Variants in PKN2 observed in about 807,000 individuals in gnomAD.
PKN2 encodes protein kinase N2.
Under a neutral mutation model 119.1 loss-of-function variants are expected in PKN2, and 38 were observed. The ratio of observed to expected loss-of-function variants is 0.32; its 90% confidence interval spans 0.25 to 0.42. The LOEUF is 0.42. PKN2 is among the 10% of genes least tolerant of loss of function. PKN2 has a pLI of 1.00. For missense variants in PKN2, 850 were observed against 1,165.1 expected (o/e 0.73, Z 3.94); for synonymous variants, 390 against 384.9 (o/e 1.01, Z -0.15).
chr1:88,775,135 T>A (rs1044458130), intron 6 of PKN2, among the ~76,000 whole-genome samples: 1 of 152,136 alleles, frequency 6.6e-6, no homozygotes, highest in African/African-American at 2.4e-5. Flanking sequence ...CAGCTTATTT[T>A]ATTTTTTTTG....
chr1:88,736,983 G>A (rs1214873196), intron 1 of PKN2, among the ~76,000 whole-genome samples: 2 of 152,164 alleles, frequency 1.3e-5, no homozygotes, highest in African/African-American at 2.4e-5. Context: ...CAGTGCTTGG[G>A]CCTCACCATG....
intron 8 of PKN2, 64 bp from the exon 9 acceptor site, chr1:88,804,327 T>G: frequency 8.1e-7 from 1 of 1,227,088 alleles, no homozygotes; most frequent in Non-Finnish European, 1.1e-6. Context: ...TGTGATATTT[T>G]ATTCAAGTGT....
chr1:88,723,890 CTCA>C (rs1201866504), intron 1 of PKN2, among the ~76,000 whole-genome samples: 1 of 152,142 alleles, frequency 6.6e-6, no homozygotes, highest in African/African-American at 2.4e-5. Flanking sequence ...ATTTTGCCTT[CTCA>C]TCTATTTTTT....
intron 1 of PKN2, among the ~76,000 whole-genome samples, chr1:88,699,723 C>T (rs563933494): frequency 1.3e-5 from 2 of 151,980 alleles, no homozygotes; most frequent in African/African-American, 4.8e-5. Context: ...TAATGGCTTA[C>T]AGCTCCATCC....
In PKN2 at chr1:88,789,811, C is replaced by T. The variant is rs535345528; in HGVS notation, c.1281+3598C>T. 1.2e-3 allele frequency among the ~76,000 whole-genome samples: 182 copies of T among 151,980 alleles called. 3 individuals are homozygous for T. The highest frequency in any genetic ancestry group is 4.0e-3 in the African/African-American group (164 of 41,458). ...GATTGGAATTTAACTTTTAAACCAC[C>T]GCACTCCTATTCTCATTCTCCCAAA... On this transcript the variant is annotated intron_variant, in intron 8 of 21. Coordinates refer to ENST00000370521, the MANE Select transcript of PKN2 (RefSeq NM_006256.4).
intron 15 of PKN2, among the ~76,000 whole-genome samples, chr1:88,808,545 C>G (rs1056517627): frequency 2.0e-5 from 3 of 152,102 alleles, no homozygotes; most frequent in African/African-American, 7.2e-5. Context: ...ACCTCATGAT[C>G]CGCCAGCCTT....
intron 1 of PKN2, among the ~76,000 whole-genome samples, chr1:88,725,816 A>T (rs891181634): frequency 6.6e-6 from 1 of 152,040 alleles, no homozygotes; most frequent in Non-Finnish European, 1.5e-5. Flanking sequence ...CCAGGTTATG[A>T]TTTTCTCCTA....
At position 88,795,371 on chromosome 1, in the gene PKN2, G is replaced by C. The variant is rs60942519; in HGVS notation, c.1282-9020G>C. On this transcript the variant is annotated intron_variant, in intron 8 of 21. Coordinates refer to ENST00000370521, the MANE Select transcript of PKN2 (RefSeq NM_006256.4). Reference sequence around the variant, plus strand: ...TTCTTCTGATATCTTATTCTTGTTGGATATACTCACATTCCTCCCATTAAA... The same window carrying C: ...TTCTTCTGATATCTTATTCTTGTTGCATATACTCACATTCCTCCCATTAAA... Among the ~76,000 whole-genome samples, 379 of 152,046 alleles carry C rather than the reference G, an allele frequency of 2.5e-3. 2 individuals are homozygous for C. Among genetic ancestry groups the C allele is most frequent in the African/African-American group, 8.8e-3 (364 of 41,484 alleles).
At chr1:88,804,137 T>A (rs1306886361) in intron 8 of PKN2, among the ~76,000 whole-genome samples, 2 of 152,194 alleles carry the variant, frequency 1.3e-5, no homozygotes, top group Non-Finnish European at 2.9e-5. Flanking sequence ...GTGTATTCTT[T>A]AAGTATACTT....
rs1191102181 is a variant in PKN2 at position 88,833,668 on chromosome 1, A to G, written c.*220A>G. 6 of 497,940 alleles carry G rather than the reference A, an allele frequency of 1.2e-5. No homozygotes were observed. The highest frequency in any genetic ancestry group is 2.1e-5 in the Non-Finnish European group (6 of 281,884). 30.8% of individuals were successfully genotyped at this position (497,940 alleles called of 1,614,324 possible). On this transcript the variant is annotated 3_prime_UTR_variant, in exon 22 of 22. Transcript: ENST00000370521. ...AAATATGAGCACTGGAAACAGTTTC[A>G]TGGAGTTTAAGTTGAGTGAACATCG...
intron 16 of PKN2, among the ~76,000 whole-genome samples, chr1:88,816,149 AAG>A (rs1553158618): frequency 4.0e-5 from 6 of 151,788 alleles, no homozygotes; most frequent in East Asian, 1.9e-4. Flanking sequence ...AATTAAAAAA[AAG>A]AGAGAAATCA....
At chr1:88,803,677 C>CA (rs1466913160) in intron 8 of PKN2, among the ~76,000 whole-genome samples, 2 of 152,182 alleles carry the variant, frequency 1.3e-5, no homozygotes, top group African/African-American at 4.8e-5. Flanking sequence ...TGTATTCTCT[C>CA]ATACGGCTTT....
rs986931132 is a variant in PKN2 at position 88,805,994 on chromosome 1, A to G, written c.1780A>G (p.Arg594Gly). ...AGAAATAGATGAATCTTCTGAATTA[A>G]GAGTTTTGGATATACCAGGACAGGC... ...LGEIDESSELRVLDIPGQDSE... is the reference protein window; with the variant it reads ...LGEIDESSELGVLDIPGQDSE... The change falls in exon 12 of 22, where the codon AGA (arginine) becomes GGA (glycine). Residue 594 changes from arginine to glycine, a missense_variant. This residue lies in a region of PKN2 where 216 missense variants were observed against 252.8 expected (regional missense o/e 0.85). Coordinates refer to ENST00000370521, the MANE Select transcript of PKN2 (RefSeq NM_006256.4). The G allele has an allele frequency of 1.9e-6, 3 of 1,613,482 alleles. No individual in the cohort carries two copies. The highest frequency in any genetic ancestry group is 1.7e-5 in the Admixed American group (1 of 59,988).
At chr1:88,776,712 C>T (rs1670122958) in intron 6 of PKN2, among the ~76,000 whole-genome samples, 1 of 151,768 alleles carries the variant, frequency 6.6e-6, no homozygotes, top group South Asian at 2.1e-4. Context: ...TGCACTCCAG[C>T]CTGGGTGACA....
At chr1:88,792,012 A>G (rs770758257) in intron 8 of PKN2, among the ~76,000 whole-genome samples, 2 of 152,196 alleles carry the variant, frequency 1.3e-5, no homozygotes. Flanking sequence ...CACTGGGAGT[A>G]TTGTTTCATC....
chr1:88,730,164 C>T (rs796103355), intron 1 of PKN2, among the ~76,000 whole-genome samples: 1 of 115,648 alleles, frequency 8.6e-6, no homozygotes, highest in East Asian at 2.4e-4. Context: ...GACTCCGTCT[C>T]AAAAAAAAAA....
chr1:88,768,507 A>G (rs1469067805), intron 3 of PKN2, among the ~76,000 whole-genome samples: 5 of 152,142 alleles, frequency 3.3e-5, no homozygotes, highest in Non-Finnish European at 7.4e-5. Context: ...TTCTACACTT[A>G]AGGACCCTTG....
intron 6 of PKN2, among the ~76,000 whole-genome samples, chr1:88,775,877 G>A (rs985121036): frequency 6.6e-6 from 1 of 152,064 alleles, no homozygotes; most frequent in African/African-American, 2.4e-5. Context: ...AGGCCGAGGC[G>A]GGTGGATCAC....
intron 8 of PKN2, among the ~76,000 whole-genome samples, chr1:88,798,784 A>G (rs538062334): frequency 1.3e-5 from 2 of 152,314 alleles, no homozygotes; most frequent in African/African-American, 2.4e-5. Flanking sequence ...AACTTCCAGA[A>G]TGATGACAAC....
Sources: gnomAD v4.1 joint callset for allele counts (sites outside exome capture counted in the v4.1 genomes callset) on GRCh38, gnomAD v4.1.1 for gene constraint, gnomAD v4.1.1 regional missense constraint, MANE v1.5 for transcripts, NCBI Gene and HGNC (gene_info 2026-07-23, HGNC 2026-07-21) for gene names.